Variants in GLIS3 observed in about 807,000 individuals in gnomAD.
GLIS3 encodes GLIS family zinc finger 3.
A neutral mutation model predicts 78.6 loss-of-function variants in GLIS3; 53 were observed. The ratio of observed to expected loss-of-function variants is 0.67; its 90% confidence interval spans 0.54 to 0.85. The LOEUF is 0.85. Among genes scored for constraint, GLIS3 ranks in the 40% least tolerant of loss-of-function variants. The probability of loss-of-function intolerance (pLI) is 0.00; values close to 1 mark genes in which losing one functional copy is unlikely to be tolerated. For missense variants in GLIS3, 1,703 were observed against 1,231.1 expected (o/e 1.38, Z -5.74); for synonymous variants, 684 against 509.9 (o/e 1.34, Z -4.60).
At chr9:4,328,484 A>G (rs550401459) in intron 2 of GLIS3, among the ~76,000 whole-genome samples, 1 of 152,316 alleles carries the variant, frequency 6.6e-6, no homozygotes, top group South Asian at 2.1e-4. Context: ...TGTACAGGTA[A>G]AATGTGGCTC....
At chr9:4,339,886 G>A (rs1022251260) in intron 2 of GLIS3, among the ~76,000 whole-genome samples, 142 of 123,480 alleles carry the variant, frequency 1.1e-3, no homozygotes, top group African/African-American at 4.1e-3. Context: ...GGGAGGGAAA[G>A]GAAAGGAAAG....
intron 2 of GLIS3, among the ~76,000 whole-genome samples, chr9:4,255,098 G>A (rs911840592): frequency 6.6e-6 from 1 of 152,122 alleles, no homozygotes; most frequent in Admixed American, 6.6e-5. Context: ...TGTCACATAA[G>A]CATATGAGAA....
At chr9:3,861,336 G>A (rs1374692096) in intron 8 of GLIS3, among the ~76,000 whole-genome samples, 1 of 152,098 alleles carries the variant, frequency 6.6e-6, no homozygotes, top group East Asian at 1.9e-4. Context: ...TTACACAATT[G>A]TAGAAGCCGT....
intron 9 of GLIS3, among the ~76,000 whole-genome samples, chr9:3,849,792 C>G (rs752602216): frequency 1.8e-4 from 28 of 152,188 alleles, no homozygotes; most frequent in Middle Eastern, 6.8e-3. Context: ...GTCTATAGTC[C>G]CAGCTACTCA....
intron 1 of GLIS3, among the ~76,000 whole-genome samples, chr9:4,296,605 G>A (rs938977829): frequency 2.0e-5 from 3 of 152,142 alleles, no homozygotes; most frequent in Admixed American, 6.5e-5. Context: ...GGAATCAGGG[G>A]ATCAACGATG....
Position 4,030,632 on chromosome 9 carries a change from C to A in GLIS3, c.1710+87136G>T, listed in dbSNP as rs138470155. Among the ~76,000 whole-genome samples, 193 of 152,280 alleles carry A rather than the reference C, an allele frequency of 1.3e-3. 1 individual carries two copies. Among genetic ancestry groups the A allele is most frequent in the African/African-American group, 4.3e-3 (179 of 41,554 alleles). Reference sequence around the variant, plus strand: ...TTAGAGACAGGGGTCAACTTTCATTCTTCTGCGTATGGGTATCCAGTTTTC... The same window carrying A: ...TTAGAGACAGGGGTCAACTTTCATTATTCTGCGTATGGGTATCCAGTTTTC... On this transcript the variant is annotated intron_variant, in intron 4 of 10. Coordinates refer to ENST00000381971, the MANE Select transcript of GLIS3 (RefSeq NM_001042413.2).
chr9:4,469,573 G>A, the GLIS3 span, among the ~76,000 whole-genome samples: 2 of 152,178 alleles, frequency 1.3e-5, no homozygotes, highest in South Asian at 2.1e-4. Flanking sequence ...AAATAAAGAT[G>A]TTCTTTGAAA....
intron 2 of GLIS3, among the ~76,000 whole-genome samples, chr9:4,315,241 C>T (rs1172652347): frequency 2.0e-5 from 3 of 152,258 alleles, no homozygotes; most frequent in Admixed American, 1.3e-4. Context: ...GTCATCTTGT[C>T]AGTCTCTAGT....
At chr9:4,252,110 T>G (rs1265370417) in intron 2 of GLIS3, among the ~76,000 whole-genome samples, 1 of 152,198 alleles carries the variant, frequency 6.6e-6, no homozygotes, top group Non-Finnish European at 1.5e-5. Context: ...AAGGAGTATC[T>G]TTGTGGTGTT....
chr9:3,928,680 G>A (rs1825414615), intron 6 of GLIS3, among the ~76,000 whole-genome samples: 1 of 152,160 alleles, frequency 6.6e-6, no homozygotes, highest in African/African-American at 2.4e-5. Context: ...TCTCTACGTA[G>A]GACATATAAA....
At chr9:3,954,489 T>A (rs1377175645) in intron 4 of GLIS3, among the ~76,000 whole-genome samples, 8 of 152,216 alleles carry the variant, frequency 5.3e-5, no homozygotes. Flanking sequence ...AAAGAACAGT[T>A]GGAGAAAACA....
At chr9:4,096,071 C>T (rs1005906777) in intron 4 of GLIS3, among the ~76,000 whole-genome samples, 2 of 137,590 alleles carry the variant, frequency 1.5e-5, no homozygotes, top group Non-Finnish European at 3.1e-5. Context: ...CATCTAAATA[C>T]AAAGAAGAGA....
intron 2 of GLIS3, among the ~76,000 whole-genome samples, chr9:4,241,951 TGA>T (rs1823362433): frequency 6.6e-6 from 1 of 152,262 alleles, no homozygotes; most frequent in South Asian, 2.1e-4. Context: ...CCCAAAGTGC[TGA>T]GATTACAGGC....
At chr9:3,894,108 A>G (rs1822653312) in intron 7 of GLIS3, among the ~76,000 whole-genome samples, 1 of 152,190 alleles carries the variant, frequency 6.6e-6, no homozygotes, top group South Asian at 2.1e-4. Flanking sequence ...TTGTGCCCCC[A>G]AGTTTCCACC....
chr9:3,981,404 T>C (rs1241294900), intron 4 of GLIS3, among the ~76,000 whole-genome samples: 3 of 152,160 alleles, frequency 2.0e-5, no homozygotes, highest in Non-Finnish European at 4.4e-5. Context: ...ATTTAGACCT[T>C]GGGAGAACTG....
At chr9:3,963,252 C>A (rs1162751401) in intron 4 of GLIS3, among the ~76,000 whole-genome samples, 1 of 152,108 alleles carries the variant, frequency 6.6e-6, no homozygotes, top group Non-Finnish European at 1.5e-5. Flanking sequence ...GGAACTGAAC[C>A]CTTTTGCAGG....
chr9:4,023,197 G>A (rs1335882812), intron 4 of GLIS3, among the ~76,000 whole-genome samples: 2 of 152,110 alleles, frequency 1.3e-5, no homozygotes, highest in African/African-American at 4.8e-5. Context: ...TCCTTACCCA[G>A]TGCTACACAT....
At chr9:4,287,447 C>T (rs1044329219) in intron 1 of GLIS3, among the ~76,000 whole-genome samples, 2 of 152,198 alleles carry the variant, frequency 1.3e-5, no homozygotes. Flanking sequence ...CTAAAGAAGG[C>T]CCCTCCTTCC....
the GLIS3 span, among the ~76,000 whole-genome samples, chr9:4,396,237 C>G: frequency 1.3e-5 from 2 of 151,710 alleles, no homozygotes; most frequent in African/African-American, 4.8e-5. Flanking sequence ...CTCAGCTTCC[C>G]AAGTAGCTGG....
Sources: gnomAD v4.1 joint callset for allele counts (sites outside exome capture counted in the v4.1 genomes callset) on GRCh38, gnomAD v4.1.1 for gene constraint, MANE v1.5 for transcripts, NCBI Gene and HGNC (gene_info 2026-07-23, HGNC 2026-07-21) for gene names.